Variants in SMOC2 observed in about 807,000 individuals in gnomAD.
SMOC2 encodes SPARC-related modular calcium-binding protein 2.
A neutral mutation model predicts 61.4 loss-of-function variants in SMOC2; 39 were observed. That is an observed-to-expected ratio of 0.64 (90% confidence interval 0.49 to 0.83). The LOEUF (loss-of-function observed/expected upper bound fraction) is 0.83. Among genes scored for constraint, SMOC2 ranks in the 40% least tolerant of loss-of-function variants. The probability of loss-of-function intolerance (pLI) is 0.00; values close to 1 mark genes in which losing one functional copy is unlikely to be tolerated. For synonymous variants in SMOC2, 247 were observed against 239.9 expected (o/e 1.03, Z -0.27); for missense variants, 556 against 592.9 (o/e 0.94, Z 0.65).
intron 1 of SMOC2, among the ~76,000 whole-genome samples, chr6:168,487,529 G>A (rs759979587): frequency 6.6e-6 from 1 of 152,060 alleles, no homozygotes; most frequent in Non-Finnish European, 1.5e-5. Context: ...TTTTGAGACG[G>A]ATCTTGCTCT....
chr6:168,644,768 G>C (rs1786981997), intron 9 of SMOC2, among the ~76,000 whole-genome samples: 2 of 147,308 alleles, frequency 1.4e-5, no homozygotes, highest in Non-Finnish European at 3.0e-5. Context: ...TCACACCTCA[G>C]CCTCCCAAGT....
chr6:168,650,254 G>T (rs1787157224), intron 9 of SMOC2, among the ~76,000 whole-genome samples: 1 of 152,124 alleles, frequency 6.6e-6, no homozygotes, highest in Admixed American at 6.5e-5. Flanking sequence ...AAGCGAGGTG[G>T]CTCTGGACAG....
rs542435948 is a variant in SMOC2, at chr6:168,470,374, A to G, written c.84+28920A>G. 4.6e-5 allele frequency among the ~76,000 whole-genome samples: 7 copies of G among 152,288 alleles called. No individual in the cohort carries two copies. The East Asian group carries it at 1.4e-3, about 29-fold the overall frequency. ...ATAATTAATTTCCTTAAAAAACCCA[A>G]TTTTTAAACTGGGTCTCCTGGTCAA... On this transcript the variant is annotated intron_variant, in intron 1 of 12. Transcript: ENST00000356284.
intron 1 of SMOC2, among the ~76,000 whole-genome samples, chr6:168,444,162 G>C (rs985046514): frequency 6.6e-5 from 10 of 152,220 alleles, no homozygotes; most frequent in Admixed American, 2.6e-4. Flanking sequence ...GGCTCTGGGT[G>C]TATCTGTGGA....
chr6:168,506,503 G>A (rs1216125257), intron 1 of SMOC2, among the ~76,000 whole-genome samples: 1 of 152,110 alleles, frequency 6.6e-6, no homozygotes, highest in Non-Finnish European at 1.5e-5. Context: ...TTTTGTAAAC[G>A]GTTTTTGTTT....
At chr6:168,501,715 C>T (rs1782733650) in intron 1 of SMOC2, among the ~76,000 whole-genome samples, 1 of 152,254 alleles carries the variant, frequency 6.6e-6, no homozygotes, top group Non-Finnish European at 1.5e-5. Context: ...GGCCTCAGGG[C>T]TCCTGCTTTC....
chr6:168,513,696 T>A (rs535602298), intron 2 of SMOC2, among the ~76,000 whole-genome samples: 1 of 152,360 alleles, frequency 6.6e-6, no homozygotes, highest in African/African-American at 2.4e-5. Flanking sequence ...GAATGATTCC[T>A]TGAAGAGCGC....
chr6:168,532,140 T>C (rs1783620227), intron 4 of SMOC2, among the ~76,000 whole-genome samples: 1 of 152,078 alleles, frequency 6.6e-6, no homozygotes, highest in Admixed American at 6.5e-5. Flanking sequence ...TGTAGATGGC[T>C]TTAGGGCAGG....
At position 168,544,277 on chromosome 6, in the gene SMOC2, C is replaced by T. The variant is rs1418766456; in HGVS notation, c.511+605C>T. ...GCCAACACCCTTCAGTACCAGGACA[C>T]ATTTCTGCTTTTCTCTTACATCAGC... On this transcript the variant is annotated intron_variant, in intron 5 of 12. Coordinates refer to ENST00000356284, the MANE Select transcript of SMOC2 (RefSeq NM_001166412.2). The surrounding 1 kb of genome is among the most constrained non-coding windows in gnomAD (Gnocchi z 4.1). Among the ~76,000 whole-genome samples the T allele has an allele frequency of 2.0e-5, 3 of 152,206 alleles. No individual in the cohort carries two copies. The highest frequency in any genetic ancestry group is 4.4e-5 in the Non-Finnish European group (3 of 68,032).
chr6:168,603,062 G>A (rs187155650), intron 8 of SMOC2, among the ~76,000 whole-genome samples: 1 of 152,000 alleles, frequency 6.6e-6, no homozygotes. Flanking sequence ...TGCTGTTCTC[G>A]TGATAGTGAG....
In SMOC2 at chr6:168,509,935, TA is replaced by T; in HGVS notation, c.108del (p.Asp37ThrfsTer40). 6.2e-7 allele frequency: 1 copy of T among 1,604,920 alleles called. No homozygotes were observed. Among genetic ancestry groups the T allele is most frequent in the East Asian group, 2.2e-5 (1 of 44,724 alleles). On this transcript the variant is annotated frameshift_variant, in exon 2 of 13. Transcript: ENST00000356284. LOFTEE classifies it high-confidence loss of function. ...TTAAGTTTTTGAGAGTGGATCAAGA[TA>T]AAGACAAGGATTGTAGCTTGGACTG... is the stretch of plus-strand genomic sequence containing the variant. ...ALTFLRVDQD[K>X]DKDCSLDCAG...
intron 9 of SMOC2, among the ~76,000 whole-genome samples, chr6:168,613,324 T>A (rs535964752): frequency 6.6e-6 from 1 of 152,226 alleles, no homozygotes; most frequent in East Asian, 1.9e-4. Flanking sequence ...GTGGGTGTCC[T>A]GATGTTGGTG....
chr6:168,630,046 G>C (rs2115245902), intron 9 of SMOC2, among the ~76,000 whole-genome samples: 1 of 152,272 alleles, frequency 6.6e-6, no homozygotes, highest in South Asian at 2.1e-4. Flanking sequence ...GGGGCTGCCT[G>C]TCCTGTCGTG....
At chr6:168,459,419 G>T (rs912755496) in intron 1 of SMOC2, among the ~76,000 whole-genome samples, 6 of 152,202 alleles carry the variant, frequency 3.9e-5, no homozygotes, top group African/African-American at 1.4e-4. Flanking sequence ...GTATTCTCCG[G>T]TTGTGGGGAA....
intron 8 of SMOC2, among the ~76,000 whole-genome samples, chr6:168,599,890 G>A (rs865966146): frequency 6.7e-5 from 7 of 103,716 alleles, no homozygotes; most frequent in South Asian, 7.2e-4. Flanking sequence ...TAACTCCCCC[G>A]ACACATCCCC....
intron 9 of SMOC2, among the ~76,000 whole-genome samples, chr6:168,611,075 C>T (rs1473162514): frequency 6.6e-6 from 1 of 152,236 alleles, no homozygotes; most frequent in Non-Finnish European, 1.5e-5. Context: ...CAGGGTTACT[C>T]TGTCTCTCCA....
intron 4 of SMOC2, among the ~76,000 whole-genome samples, chr6:168,542,022 A>T (rs1354194695): frequency 6.6e-6 from 1 of 152,246 alleles, no homozygotes; most frequent in Non-Finnish European, 1.5e-5. Context: ...AATTATTAGC[A>T]TATTTACATT....
chr6:168,443,974 A>C (rs530675628), intron 1 of SMOC2, among the ~76,000 whole-genome samples: 1 of 152,246 alleles, frequency 6.6e-6, no homozygotes, highest in Non-Finnish European at 1.5e-5. Context: ...TGCGCCTACT[A>C]TATGTGAGTT....
intron 9 of SMOC2, among the ~76,000 whole-genome samples, chr6:168,617,677 C>T (rs1386519886): frequency 6.6e-6 from 1 of 152,196 alleles, no homozygotes; most frequent in Admixed American, 6.5e-5. Context: ...TTCTGATCCC[C>T]ATCCATGCAG....
Sources: gnomAD v4.1 joint callset for allele counts (sites outside exome capture counted in the v4.1 genomes callset) on GRCh38, gnomAD v4.1.1 for gene constraint, Gnocchi (gnomAD v3.1) non-coding constraint, MANE v1.5 for transcripts, NCBI Gene and HGNC (gene_info 2026-07-23, HGNC 2026-07-21) for gene names.